RTN4RL2: variants seen among roughly 807,000 people sequenced by gnomAD.
The protein encoded by RTN4RL2 is reticulon-4 receptor-like 2.
In RTN4RL2, 9 loss-of-function variants were observed where a neutral mutation model predicts 27.8. That is an observed-to-expected ratio of 0.32 (90% CI 0.20 to 0.57). The LOEUF is 0.57. Ranked by LOEUF, RTN4RL2 falls within the 20% of genes least tolerant of loss-of-function variation. The pLI is 0.90. For synonymous variants in RTN4RL2, 285 were observed against 297.9 expected, an observed-to-expected ratio of 0.96 and a Z score of 0.45; for missense variants, 436 against 596.8, an observed-to-expected ratio of 0.73 and a Z score of 2.81.
intron 1 of RTN4RL2, among the ~76,000 whole-genome samples, chr11:57,462,408 C>T (rs1299276380): frequency 6.6e-6 from 1 of 152,164 alleles, no homozygotes; most frequent in African/African-American, 2.4e-5. Context: ...CTGAAGCAGC[C>T]CGTTGGGTGT....
At position 57,476,095 on chromosome 11, in the gene RTN4RL2, CCCAGCGGGGT is replaced by C; in HGVS notation, c.514-65_514-56del. 6.7e-7 allele frequency: 1 copy of C among 1,488,330 alleles called. No homozygotes were observed. The highest frequency in any genetic ancestry group is 9.1e-7 in the Non-Finnish European group (1 of 1,099,394). 92.2% of individuals were successfully genotyped at this position (1,488,330 alleles called of 1,614,324 possible). On this transcript the variant is annotated intron_variant, in intron 2 of 2. Coordinates refer to ENST00000335099, the MANE Select transcript of RTN4RL2 (RefSeq NM_178570.3). This position sits in a 1 kb window ranked among gnomAD's most constrained non-coding sequence, Gnocchi z 8.2. ...CCCCCTTCCCTCCCCCGGCCAAGGC[CCCAGCGGGGT>C]CTGCACCCTACCTCAGGCCCATTCT... is the stretch of plus-strand genomic sequence containing the variant.
chr11:57,477,023 C>G lies in RTN4RL2; in HGVS notation c.*112C>G. 4 of 1,100,114 alleles carry G rather than the reference C, an allele frequency of 3.6e-6. No individual in the cohort carries two copies. The highest frequency in any genetic ancestry group is 5.0e-6 in the Non-Finnish European group (4 of 800,604). 68.1% of individuals were successfully genotyped at this position (1,100,114 alleles called of 1,614,324 possible). ...TTCCCTGGCCTTGCTGCCTCCCTTTCCCCTCCCAGCTCCTCTCCTCCCCGG... is the reference window on the plus strand; with the variant it reads ...TTCCCTGGCCTTGCTGCCTCCCTTTGCCCTCCCAGCTCCTCTCCTCCCCGG... On this transcript the variant is annotated 3_prime_UTR_variant, in exon 3 of 3. Coordinates refer to ENST00000335099, the MANE Select transcript of RTN4RL2 (RefSeq NM_178570.3).
At chr11:57,468,117 G>A in intron 2 of RTN4RL2, 27 bp downstream of exon 2, 15 of 1,557,294 alleles carry the variant, frequency 9.6e-6, no homozygotes, top group Non-Finnish European at 1.3e-5. Context: ...CCCACCCTCA[G>A]CCCCTTTCTG....
intron 2 of RTN4RL2, chr11:57,468,807 G>A: frequency 1.5e-6 from 2 of 1,359,708 alleles, no homozygotes; most frequent in South Asian, 1.2e-5. Flanking sequence ...TTATGCAGCT[G>A]GAGAATGGAT....
At position 57,477,229 on chromosome 11, in the gene RTN4RL2, C is replaced by T. The variant is rs1474333779; in HGVS notation, c.*318C>T. 16 of 306,464 alleles carry T rather than the reference C, an allele frequency of 5.2e-5. No homozygotes were observed. Among genetic ancestry groups the T allele is most frequent in the Non-Finnish European group, 8.4e-5 (14 of 166,876 alleles). 19.0% of individuals were successfully genotyped at this position (306,464 alleles called of 1,614,324 possible). A position where few individuals can be genotyped will look rare whatever the true frequency, so the allele number is the denominator to read the frequency against. ...GACCCGCACTCCTAAGGGCCCACAG[C>T]GGACACCAGAGGGGCTTTTGTCTGC... On this transcript the variant is annotated 3_prime_UTR_variant, in exon 3 of 3. Coordinates refer to ENST00000335099, the MANE Select transcript of RTN4RL2 (RefSeq NM_178570.3).
intron 1 of RTN4RL2, among the ~76,000 whole-genome samples, chr11:57,461,928 G>A (rs370462601): frequency 1.6e-4 from 24 of 152,190 alleles, no homozygotes; most frequent in Middle Eastern, 3.4e-3. Context: ...GCCCAGGGAT[G>A]AGACAAAGAG....
At position 57,467,663 on chromosome 11, in the gene RTN4RL2, C is replaced by A. The variant is rs1030832869; in HGVS notation, c.86C>A (p.Pro29His). The change falls in exon 2 of 3, where the codon CCC becomes CAC. Residue 29 changes from proline (P) to histidine (H), a missense_variant. Transcript: ENST00000335099. This position sits in a 1 kb window ranked among gnomAD's most constrained non-coding sequence, Gnocchi z 5.5. Reference sequence around the variant, plus strand: ...CTCCTGGCCCTGCCCCTGGCGGCCCCCAGCTGCCCCATGCTCTGCACCTGC... The same window carrying A: ...CTCCTGGCCCTGCCCCTGGCGGCCCACAGCTGCCCCATGCTCTGCACCTGC... ...LMLLALPLAA[P>H]SCPMLCTCYS... 9 of 1,611,388 alleles carry A rather than the reference C, an allele frequency of 5.6e-6. No homozygotes were observed. Among genetic ancestry groups the A allele is most frequent in the Non-Finnish European group, 7.6e-6 (9 of 1,179,678 alleles).
intron 2 of RTN4RL2, among the ~76,000 whole-genome samples, chr11:57,475,345 G>A (rs998063745): frequency 1.3e-5 from 2 of 152,000 alleles, no homozygotes; most frequent in Non-Finnish European, 2.9e-5. Flanking sequence ...TTCATAATTG[G>A]ACCAAATCCC....
intron 2 of RTN4RL2, chr11:57,468,660 C>A (rs751503596): frequency 8.5e-5 from 130 of 1,536,364 alleles, no homozygotes; most frequent in Non-Finnish European, 1.0e-4. Context: ...GCCACAGCCA[C>A]TGGCATCCCA....
chr11:57,461,729 T>C (rs1312642937), intron 1 of RTN4RL2, among the ~76,000 whole-genome samples: 1 of 151,302 alleles, frequency 6.6e-6, no homozygotes, highest in Non-Finnish European at 1.5e-5. Flanking sequence ...CCCTGGGGAC[T>C]GGAATGGAAA....
Position 57,467,314 on chromosome 11 carries a change from G to A in RTN4RL2, c.32-295G>A, listed in dbSNP as rs11229039. ...CAGCCTCAAACTCCTGGGTTCAAGC[G>A]ATCCTCCTGCCTCAGCCTCCCAAGT... is the stretch of plus-strand genomic sequence containing the variant. On this transcript the variant is annotated intron_variant, in intron 1 of 2. Transcript: ENST00000335099. The surrounding 1 kb of genome is among the most constrained non-coding windows in gnomAD (Gnocchi z 5.5). 0.085 allele frequency among the ~76,000 whole-genome samples: 12,972 copies of A among 152,032 alleles called. 797 individuals are homozygous for A. Among genetic ancestry groups the A allele is most frequent in the Non-Finnish European group, 0.13 (8,664 of 67,944 alleles).
intron 1 of RTN4RL2, among the ~76,000 whole-genome samples, chr11:57,464,546 T>C (rs2729393): frequency 0.97 from 148,186 of 152,226 alleles, 72,250 homozygotes; most frequent in East Asian, 1. Flanking sequence ...GTGACTCTGA[T>C]AGGAAGGGAA....
At chr11:57,473,611 T>G (rs1943577389) in intron 2 of RTN4RL2, among the ~76,000 whole-genome samples, 3 of 129,250 alleles carry the variant, frequency 2.3e-5, no homozygotes, top group Non-Finnish European at 5.0e-5. Flanking sequence ...GGGGGAGGGC[T>G]AGGGCTGTGA....
rs1171126898 is a variant in RTN4RL2 at position 57,477,025 on chromosome 11, C to T, written c.*114C>T. Reference sequence around the variant, plus strand: ...CCCTGGCCTTGCTGCCTCCCTTTCCCCTCCCAGCTCCTCTCCTCCCCGGGG... The same window carrying T: ...CCCTGGCCTTGCTGCCTCCCTTTCCTCTCCCAGCTCCTCTCCTCCCCGGGG... On this transcript the variant is annotated 3_prime_UTR_variant, in exon 3 of 3. Coordinates refer to ENST00000335099, the MANE Select transcript of RTN4RL2 (RefSeq NM_178570.3). The T allele has an allele frequency of 2.4e-5, 25 of 1,052,256 alleles. No homozygotes were observed. Among genetic ancestry groups the T allele is most frequent in the Non-Finnish European group, 3.2e-5 (24 of 760,946 alleles). The allele number at this position is 1,052,256 out of a possible 1,614,324, so 65.2% of individuals were successfully genotyped here.
chr11:57,471,440 C>G (rs771161186), intron 2 of RTN4RL2, among the ~76,000 whole-genome samples: 12 of 152,142 alleles, frequency 7.9e-5, no homozygotes, highest in Admixed American at 7.2e-4. Flanking sequence ...ATGAATGGTA[C>G]CAGGCATCAT....
Position 57,467,313 on chromosome 11 carries a change from C to G in RTN4RL2, c.32-296C>G, listed in dbSNP as rs1299114502. Among the ~76,000 whole-genome samples the G allele has an allele frequency of 6.6e-6, 1 of 152,002 alleles. No homozygotes were observed. The highest frequency in any genetic ancestry group is 1.5e-5 in the Non-Finnish European group (1 of 68,020). On this transcript the variant is annotated intron_variant, in intron 1 of 2. Coordinates refer to ENST00000335099, the MANE Select transcript of RTN4RL2 (RefSeq NM_178570.3). The surrounding 1 kb of genome is among the most constrained non-coding windows in gnomAD (Gnocchi z 5.5). ...ACAGCCTCAAACTCCTGGGTTCAAG[C>G]GATCCTCCTGCCTCAGCCTCCCAAG...
intron 2 of RTN4RL2, among the ~76,000 whole-genome samples, chr11:57,472,368 A>G (rs1230575944): frequency 2.0e-5 from 3 of 151,170 alleles, no homozygotes; most frequent in Admixed American, 6.6e-5. Flanking sequence ...ATGTGCCACC[A>G]TGTCCAGCTA....
chr11:57,471,191 G>A (rs1243096157), intron 2 of RTN4RL2, among the ~76,000 whole-genome samples: 3 of 150,708 alleles, frequency 2.0e-5, no homozygotes, highest in Admixed American at 6.6e-5. Flanking sequence ...AGCTGAGATC[G>A]TGCTACTATA....
At chr11:57,468,465 C>T in intron 2 of RTN4RL2, 2 of 1,131,408 alleles carry the variant, frequency 1.8e-6, no homozygotes, top group Non-Finnish European at 2.5e-6. Flanking sequence ...CTTCACACAC[C>T]CACTCCGCAT....
Sources: allele counts gnomAD v4.1 joint callset (sites outside exome capture counted in the v4.1 genomes callset), GRCh38; gene constraint gnomAD v4.1.1; non-coding constraint Gnocchi (gnomAD v3.1); transcripts MANE v1.5; gene names NCBI Gene and HGNC (gene_info 2026-07-23, HGNC 2026-07-21).